METTL15: variants seen among roughly 807,000 people sequenced by gnomAD.
METTL15 encodes methyltransferase 15, mitochondrial 12S rRNA N4-cytidine, also known as 12S rRNA N(4)-cytidine methyltransferase METTL15.
METTL15 carries 34 observed loss-of-function variants against 38.3 expected under a neutral mutation model. The observed-to-expected ratio is 0.89, with a 90% CI of 0.68 to 1.18. The LOEUF is 1.18. METTL15 is among the 50% of genes most tolerant of loss of function. The pLI is 0.00. For synonymous variants in METTL15, 162 were observed against 170.9 expected, an observed-to-expected ratio of 0.95 and a Z score of 0.41; for missense variants, 438 against 498.4, an observed-to-expected ratio of 0.88 and a Z score of 1.15.
chr11:28,345,225 G>C (rs1368674351), intron 3 of METTL15, among the ~76,000 whole-genome samples: 3 of 152,156 alleles, frequency 2.0e-5, no homozygotes, highest in Non-Finnish European at 4.4e-5. Flanking sequence ...GTCTCACTCT[G>C]TCACCCAGGC....
In METTL15 at chr11:28,376,747, C is replaced by T. The variant is rs894675319; in HGVS notation, c.*358+14711C>T. Among the ~76,000 whole-genome samples the T allele has an allele frequency of 5.3e-5, 8 of 151,092 alleles. No homozygotes were observed. In the South Asian group the frequency reaches 6.4e-4, roughly 12 times the overall value. ...TGCTCGTTAGTTGATGCAGTTTCTT[C>T]GTAGTCTCGATGGTCTTTACATTTT... On this transcript the variant is annotated intron_variant and NMD_transcript_variant, in intron 5 of 7. Transcript: ENST00000532947.
chr11:28,296,258 T>C (rs1259032489), intron 5 of METTL15, among the ~76,000 whole-genome samples: 1 of 152,154 alleles, frequency 6.6e-6, no homozygotes, highest in Non-Finnish European at 1.5e-5. Flanking sequence ...GTATGTTTTT[T>C]ATAGATTTGC....
At chr11:28,376,803 G>T (rs1850318729) in intron 5 of METTL15, among the ~76,000 whole-genome samples, 1 of 149,634 alleles carries the variant, frequency 6.7e-6, no homozygotes, top group Admixed American at 6.8e-5. Context: ...GGTACCGGTT[G>T]TTCCTTTCCA....
intron 4 of METTL15, among the ~76,000 whole-genome samples, chr11:28,223,091 T>A (rs1853316858): frequency 6.6e-6 from 1 of 152,152 alleles, no homozygotes; most frequent in Non-Finnish European, 1.5e-5. Context: ...CACATAATCT[T>A]CTTAGAATCT....
chr11:28,412,712 G>A (rs945530660), intron 5 of METTL15, among the ~76,000 whole-genome samples: 39 of 152,088 alleles, frequency 2.6e-4, no homozygotes, highest in Admixed American at 2.3e-3. Context: ...CAGGGACAGA[G>A]AATGAAACAT....
intron 6 of METTL15, among the ~76,000 whole-genome samples, chr11:28,314,548 G>T (rs1484971233): frequency 1.3e-5 from 2 of 152,170 alleles, no homozygotes; most frequent in Non-Finnish European, 2.9e-5. Context: ...TTAGACTTCT[G>T]TATGTGGCAA....
chr11:28,255,169 G>C (rs2082577836), intron 4 of METTL15, among the ~76,000 whole-genome samples: 1 of 151,966 alleles, frequency 6.6e-6, no homozygotes, highest in South Asian at 2.1e-4. Flanking sequence ...TCTTTATAGA[G>C]ATCTTTCACT....
chr11:28,238,641 C>T (rs1389076237), intron 4 of METTL15, among the ~76,000 whole-genome samples: 4 of 152,206 alleles, frequency 2.6e-5, no homozygotes, highest in Non-Finnish European at 5.9e-5. Context: ...CTGGCACTCC[C>T]TAGTGAGATG....
chr11:28,356,827 T>G (rs1850093945), intron 4 of METTL15, among the ~76,000 whole-genome samples: 1 of 152,144 alleles, frequency 6.6e-6, no homozygotes, highest in African/African-American at 2.4e-5. Context: ...CAAGCCACAA[T>G]TTTTCATTTT....
intron 5 of METTL15, among the ~76,000 whole-genome samples, chr11:28,391,900 C>T (rs1850512780): frequency 6.6e-6 from 1 of 152,184 alleles, no homozygotes; most frequent in Non-Finnish European, 1.5e-5. Flanking sequence ...AGGACATAGA[C>T]ATGGGTAAGG....
At chr11:28,214,876 A>G (rs1852796463) in intron 4 of METTL15, among the ~76,000 whole-genome samples, 1 of 152,236 alleles carries the variant, frequency 6.6e-6, no homozygotes. Context: ...AGAATAGAAG[A>G]ACTCTAGGGA....
intron 6 of METTL15, among the ~76,000 whole-genome samples, chr11:28,469,920 A>C (rs1356000296): frequency 6.6e-6 from 1 of 152,164 alleles, no homozygotes; most frequent in Non-Finnish European, 1.5e-5. Context: ...ATTAGTGTTT[A>C]CTAATTTTAA....
rs985564412 is a variant in METTL15 at position 28,223,489 on chromosome 11, T to G, written c.407+12291T>G. Among the ~76,000 whole-genome samples the G allele has an allele frequency of 2.0e-5, 3 of 152,170 alleles. 1 individual carries two copies. The highest frequency in any genetic ancestry group is 4.1e-4 in the South Asian group (2 of 4,834). On this transcript the variant is annotated intron_variant, in intron 4 of 6. Coordinates refer to ENST00000407364, the MANE Select transcript of METTL15 (RefSeq NM_001113528.2). ...TTACATATCTTCTTAAAAATATTTA[T>G]GTAATTGCAACCTGTAGTAGGGCAC...
intron 3 of METTL15, among the ~76,000 whole-genome samples, chr11:28,146,941 A>G (rs1849908351): frequency 6.6e-6 from 1 of 151,892 alleles, no homozygotes; most frequent in South Asian, 2.1e-4. Context: ...TTTCATTTAT[A>G]TAAAGAATTT....
chr11:28,373,395 GT>G (rs1564910118), intron 5 of METTL15, among the ~76,000 whole-genome samples: 5 of 151,998 alleles, frequency 3.3e-5, no homozygotes, highest in Non-Finnish European at 2.9e-5. Context: ...TTTTTCATGT[GT>G]TTTTTGGCTG....
intron 6 of METTL15, among the ~76,000 whole-genome samples, chr11:28,448,303 T>A (rs1851091717): frequency 6.6e-6 from 1 of 152,214 alleles, no homozygotes; most frequent in Admixed American, 6.5e-5. Context: ...CATGAATAGA[T>A]CTCTGGTGAC....
intron 3 of METTL15, chr11:28,145,831 T>C (rs1849863762): frequency 6.6e-6 from 1 of 152,080 alleles, no homozygotes; most frequent in South Asian, 2.1e-4. Context: ...AGATTTATTC[T>C]AGAAAAGTCT....
chr11:28,399,662 CT>C (rs35719780), intron 5 of METTL15, among the ~76,000 whole-genome samples: 64,103 of 151,654 alleles, frequency 0.42, 14,943 homozygotes, highest in Admixed American at 0.54. Flanking sequence ...CGTTACATGC[CT>C]TTCTCCCTTA....
At chr11:28,490,382 A>G (rs1270981091) in intron 6 of METTL15, among the ~76,000 whole-genome samples, 4 of 152,152 alleles carry the variant, frequency 2.6e-5, no homozygotes, top group South Asian at 2.1e-4. Flanking sequence ...CCCCAAATCT[A>G]TCTCTTAATA....
Sources: gnomAD v4.1 joint callset for allele counts (sites outside exome capture counted in the v4.1 genomes callset) on GRCh38, gnomAD v4.1.1 for gene constraint, MANE v1.5 for transcripts, NCBI Gene and HGNC (gene_info 2026-07-23, HGNC 2026-07-21) for gene names.